ZRANB3: variants seen among roughly 807,000 people sequenced by gnomAD.
ZRANB3 encodes the protein zinc finger RANBP2-type containing 3.
A neutral mutation model predicts 133.8 loss-of-function variants in ZRANB3; 125 were observed. The observed-to-expected ratio is 0.93, with a 90% CI of 0.81 to 1.08. ZRANB3 has a LOEUF of 1.08. Ranked by LOEUF, ZRANB3 falls within the 50% of genes least tolerant of loss-of-function variation. The pLI is 0.00. For synonymous variants in ZRANB3, 387 were observed against 432.7 expected (o/e 0.89, Z 1.31); for missense variants, 1,229 against 1,275.5 (o/e 0.96, Z 0.56).
At chr2:135,362,512 T>C (rs999305080) in intron 3 of ZRANB3, among the ~76,000 whole-genome samples, 2 of 152,154 alleles carry the variant, frequency 1.3e-5, no homozygotes, top group African/African-American at 4.8e-5. Context: ...GGGAGGGCAC[T>C]GAGTCGGGGA....
In ZRANB3 at chr2:135,298,182, C is replaced by T. The variant is rs573261556; in HGVS notation, c.966+15307G>A. The stretch of plus-strand genomic sequence containing the variant: ...GGCAGAGGGTGCAGTGAGCCAAGAT[C>T]GTACCACTGCACTCCAGCCTGGGTG... On this transcript the variant is annotated intron_variant, in intron 8 of 20. Coordinates refer to ENST00000264159, the MANE Select transcript of ZRANB3 (RefSeq NM_032143.4). Among the ~76,000 whole-genome samples the T allele has an allele frequency of 5.9e-5, 9 of 152,210 alleles. No individual in the cohort carries two copies. In the South Asian group the frequency reaches 6.2e-4, roughly 11 times the overall value.
At chr2:135,442,254 A>G (rs1689813580) in intron 2 of ZRANB3, among the ~76,000 whole-genome samples, 1 of 152,226 alleles carries the variant, frequency 6.6e-6, no homozygotes, top group African/African-American at 2.4e-5. Flanking sequence ...CAGAGTGAAC[A>G]GGCAACCTAC....
rs776213535 is a variant in ZRANB3, at chr2:135,224,490, G to T, written c.2186C>A (p.Pro729Gln). Reference sequence around the variant, plus strand: ...ACAGAACATTAAGGTGTCATACACTGGCAAAGTGTCTGAACTCTTCCACTG... The same window carrying T: ...ACAGAACATTAAGGTGTCATACACTTGCAAAGTGTCTGAACTCTTCCACTG... ...NEQWKSSDTL[P>Q]VYDTLMFCAS... The change falls in exon 15 of 21, where the codon CCA becomes CAA. Residue 729 changes from proline to glutamine, a missense_variant. By Grantham distance (76) the Pro-to-Gln change is moderately conservative (BLOSUM62 -1). Transcript: ENST00000264159. The T allele has an allele frequency of 2.5e-6, 4 of 1,612,794 alleles. No homozygotes were observed. The Admixed American group carries it at 6.7e-5, about 27-fold the overall frequency.
chr2:135,201,614 G>A (rs1480495981), intron 20 of ZRANB3, among the ~76,000 whole-genome samples: 2 of 149,106 alleles, frequency 1.3e-5, no homozygotes, highest in Non-Finnish European at 3.0e-5. Flanking sequence ...AGATCATGCT[G>A]AGATCACACC....
intron 2 of ZRANB3, among the ~76,000 whole-genome samples, chr2:135,446,718 A>G (rs948539122): frequency 6.6e-6 from 1 of 152,212 alleles, no homozygotes; most frequent in Non-Finnish European, 1.5e-5. Flanking sequence ...TAATCTAGGT[A>G]TGAAGAAAAG....
chr2:135,237,175 A>AAG (rs1558852731), intron 12 of ZRANB3, among the ~76,000 whole-genome samples: 245 of 147,780 alleles, frequency 1.7e-3, no homozygotes, highest in African/African-American at 5.7e-3. Flanking sequence ...ATGCAGCCAA[A>AAG]AGACACATGA....
At chr2:135,481,928 A>AT (rs1330389670) in intron 2 of ZRANB3, among the ~76,000 whole-genome samples, 2 of 140,636 alleles carry the variant, frequency 1.4e-5, no homozygotes, top group East Asian at 4.0e-4. Flanking sequence ...ATAGTTGTAG[A>AT]TATGCGGCGT....
intron 2 of ZRANB3, among the ~76,000 whole-genome samples, chr2:135,426,314 A>T (rs1380182141): frequency 6.6e-6 from 1 of 151,764 alleles, no homozygotes; most frequent in Non-Finnish European, 1.5e-5. Flanking sequence ...AGGGGGAGGG[A>T]CTCCTCCCTA....
intron 2 of ZRANB3, among the ~76,000 whole-genome samples, chr2:135,453,078 C>T (rs1417839073): frequency 6.6e-6 from 1 of 152,252 alleles, no homozygotes; most frequent in Admixed American, 6.5e-5. Context: ...GATTCCCAAC[C>T]TCAATTCTTG....
chr2:135,530,208 CAAAAA>C (rs371430339), intron 1 of ZRANB3, among the ~76,000 whole-genome samples: 1 of 102,560 alleles, frequency 9.8e-6, no homozygotes, highest in Non-Finnish European at 2.1e-5. Flanking sequence ...GACTCCGTCT[CAAAAA>C]AAAAAAAAAA....
At chr2:135,475,240 A>G (rs537605418) in intron 2 of ZRANB3, among the ~76,000 whole-genome samples, 11 of 152,308 alleles carry the variant, frequency 7.2e-5, no homozygotes, top group African/African-American at 2.6e-4. Context: ...ACCCTTTCTT[A>G]CACAGTCTGT....
At chr2:135,336,728 T>C (rs1194697432) in intron 6 of ZRANB3, among the ~76,000 whole-genome samples, 1 of 152,124 alleles carries the variant, frequency 6.6e-6, no homozygotes, top group East Asian at 1.9e-4. Context: ...AAGAGACAGG[T>C]ATACTCTCTC....
At chr2:135,412,457 A>G (rs1462396518) in intron 2 of ZRANB3, among the ~76,000 whole-genome samples, 2 of 152,148 alleles carry the variant, frequency 1.3e-5, no homozygotes, top group South Asian at 2.1e-4. Context: ...GATCAAGTAG[A>G]CCTGGCTTAC....
intron 6 of ZRANB3, among the ~76,000 whole-genome samples, chr2:135,332,472 G>C (rs1385679603): frequency 2.6e-5 from 4 of 151,970 alleles, no homozygotes; most frequent in African/African-American, 9.7e-5. Context: ...AAATATAGTA[G>C]GCAATCAATA....
At chr2:135,441,108 A>C (rs1282898620) in intron 2 of ZRANB3, among the ~76,000 whole-genome samples, 2 of 152,172 alleles carry the variant, frequency 1.3e-5, no homozygotes, top group African/African-American at 2.4e-5. Context: ...AAAAACATTT[A>C]CTCTCAGACC....
chr2:135,299,595 G>A (rs562986246), intron 8 of ZRANB3, among the ~76,000 whole-genome samples: 39 of 152,082 alleles, frequency 2.6e-4, no homozygotes, highest in Non-Finnish European at 4.0e-4. Context: ...CCTCCCTATC[G>A]TCATTATTTA....
intron 12 of ZRANB3, among the ~76,000 whole-genome samples, chr2:135,245,926 CA>C (rs1177438717): frequency 4.6e-3 from 90 of 19,548 alleles, no homozygotes; most frequent in Admixed American, 0.025. Context: ...AACTCCGTCT[CA>C]AAAAAAAAAA....
At chr2:135,393,230 AAG>A (rs968602754) in intron 2 of ZRANB3, among the ~76,000 whole-genome samples, 1 of 152,298 alleles carries the variant, frequency 6.6e-6, no homozygotes, top group East Asian at 1.9e-4. Context: ...AAACATATAT[AAG>A]AGTAAAAAAT....
chr2:135,365,546 TA>T (rs1375605821), intron 3 of ZRANB3, among the ~76,000 whole-genome samples: 1 of 152,158 alleles, frequency 6.6e-6, no homozygotes, highest in African/African-American at 2.4e-5. Context: ...AACATATTCT[TA>T]AAAAAAGTGT....
Sources: gnomAD v4.1 joint callset for allele counts (sites outside exome capture counted in the v4.1 genomes callset) on GRCh38, gnomAD v4.1.1 for gene constraint, MANE v1.5 for transcripts, NCBI Gene and HGNC (gene_info 2026-07-23, HGNC 2026-07-21) for gene names.